The following MYO9A variants were observed in gnomAD, a reference collection of about 807,000 sequenced individuals.
MYO9A encodes unconventional myosin-IXa.
A neutral mutation model predicts 293.3 loss-of-function variants in MYO9A; 103 were observed. That is an observed-to-expected ratio of 0.35 (90% CI 0.30 to 0.41). The LOEUF (loss-of-function observed/expected upper bound fraction) is 0.41. Ranked by LOEUF, MYO9A falls within the 10% of genes least tolerant of loss-of-function variation. MYO9A has a pLI of 1.00. For missense variants in MYO9A, 2,685 were observed against 3,033.0 expected (o/e 0.89, Z 2.69); for synonymous variants, 1,001 against 1,035.7 (o/e 0.97, Z 0.64).
chr15:71,830,325 T>G lies in MYO9A; in HGVS notation c.6838-14A>C. On this transcript the variant is annotated splice_polypyrimidine_tract_variant and intron_variant, in intron 39 of 41. Coordinates refer to ENST00000356056, the MANE Select transcript of MYO9A (RefSeq NM_006901.4). Reference sequence around the variant, plus strand: ...ACGCCCCTTTCCCTGCAGAGAAAAATTCATGTTAGAAAGTAAATTGAGTGA... The same window carrying G: ...ACGCCCCTTTCCCTGCAGAGAAAAAGTCATGTTAGAAAGTAAATTGAGTGA... The G allele has an allele frequency of 6.2e-7, 1 of 1,612,184 alleles. No homozygotes were observed. The highest frequency in any genetic ancestry group is 8.5e-7 in the Non-Finnish European group (1 of 1,179,424).
chr15:72,077,339 A>T (rs146673940), intron 1 of MYO9A, among the ~76,000 whole-genome samples: 2 of 152,360 alleles, frequency 1.3e-5, no homozygotes, highest in African/African-American at 4.8e-5. Context: ...AAGACAAGCC[A>T]CAGACTGACA....
At chr15:72,045,695 A>T in intron 2 of MYO9A, 29 bp downstream of exon 2, 2 of 1,537,112 alleles carry the variant, frequency 1.3e-6, no homozygotes, top group Non-Finnish European at 1.7e-6. Flanking sequence ...TCAAAATTAA[A>T]ATCAAAAATA....
chr15:71,945,654 G>A (rs570150598), intron 15 of MYO9A, among the ~76,000 whole-genome samples: 24 of 151,894 alleles, frequency 1.6e-4, no homozygotes, highest in Non-Finnish European at 2.6e-4. Flanking sequence ...CCTTAAATAG[G>A]AAGTGTGATT....
At chr15:71,954,623 A>T (rs2929508) in intron 14 of MYO9A, among the ~76,000 whole-genome samples, 84,250 of 152,124 alleles carry the variant, frequency 0.55, 28,009 homozygotes, top group Non-Finnish European at 0.73. Context: ...ATAAATTCAG[A>T]CCCCATACTC....
At chr15:72,034,153 T>C (rs1212302457) in intron 2 of MYO9A, among the ~76,000 whole-genome samples, 1 of 152,242 alleles carries the variant, frequency 6.6e-6, no homozygotes, top group Non-Finnish European at 1.5e-5. Context: ...CAACTACAAC[T>C]GTATCATGGT....
At chr15:71,928,724 A>C (rs1389160396) in intron 18 of MYO9A, among the ~76,000 whole-genome samples, 5 of 152,074 alleles carry the variant, frequency 3.3e-5, no homozygotes, top group South Asian at 4.1e-4. Flanking sequence ...TGGTTTCCTT[A>C]ATTTCTTTTT....
intron 36 of MYO9A, 122 bp downstream of exon 36, chr15:71,852,010 A>G: frequency 5.9e-6 from 7 of 1,188,748 alleles, no homozygotes; most frequent in Non-Finnish European, 6.8e-6. Context: ...TTCACTGTCA[A>G]AAGCTTACCT....
chr15:72,052,966 A>G (rs1008717303), intron 1 of MYO9A, among the ~76,000 whole-genome samples: 2 of 152,206 alleles, frequency 1.3e-5, no homozygotes, highest in African/African-American at 4.8e-5. Flanking sequence ...TTCCAGCCTG[A>G]AAAGTATCAC....
intron 1 of MYO9A, among the ~76,000 whole-genome samples, chr15:72,092,901 C>G (rs1325177136): frequency 6.7e-6 from 1 of 149,368 alleles, no homozygotes; most frequent in Admixed American, 6.7e-5. Context: ...CTTCAGCCAC[C>G]ACCTTACTTA....
At chr15:72,047,772 TC>T (rs1248861361) in intron 1 of MYO9A, among the ~76,000 whole-genome samples, 6 of 99,300 alleles carry the variant, frequency 6.0e-5, no homozygotes, top group East Asian at 2.7e-4. Flanking sequence ...TTCAGTTACT[TC>T]CTTTTTTTTT....
chr15:71,901,201 A>T lies in MYO9A; in HGVS notation c.3140T>A (p.Val1047Asp), dbSNP rs1280314114. 1.2e-6 allele frequency: 2 copies of T among 1,612,128 alleles called. No homozygotes were observed. The highest frequency in any genetic ancestry group is 1.7e-4 in the Middle Eastern group (1 of 6,052). The part of the protein sequence containing the change: ...QHFLHLRQAS[V>D]IIQRFWRNYL... The stretch of plus-strand genomic sequence containing the variant: ...TCCTTTGCTTCTCACCTGGATAATA[A>T]CAGATGCTTGTCTCAGATGGAGGAA... Residue 1047 changes from valine (V) to aspartate (D), a missense_variant, in exon 23 of 42, where the codon GTT (valine) becomes GAT (aspartate). Around this residue, in one of 10 missense-constraint regions of MYO9A, gnomAD observed 1,434 missense variants for 1,497.7 expected, o/e 0.96. Transcript: ENST00000356056.
intron 17 of MYO9A, 138 bp from the exon 18 acceptor site, chr15:71,933,847 A>G (rs2058552470): frequency 2.8e-6 from 2 of 718,372 alleles, no homozygotes; most frequent in Non-Finnish European, 2.4e-6. Flanking sequence ...GGTTCTTTAT[A>G]TGAAAACACT....
chr15:72,085,391 C>G (rs1250284264), intron 1 of MYO9A, among the ~76,000 whole-genome samples: 1 of 145,796 alleles, frequency 6.9e-6, no homozygotes, highest in Non-Finnish European at 1.5e-5. Flanking sequence ...GAGAGTCTGT[C>G]TCAAAAAAAA....
chr15:71,880,743 C>A (rs1020037532), intron 28 of MYO9A, among the ~76,000 whole-genome samples, 185 bp from the exon 29 acceptor site: 2 of 152,144 alleles, frequency 1.3e-5, no homozygotes, highest in African/African-American at 4.8e-5. Flanking sequence ...CACATTTGTA[C>A]AGAAAGCGTA....
chr15:71,846,216 A>G (rs1474604198), intron 39 of MYO9A, among the ~76,000 whole-genome samples: 2 of 152,208 alleles, frequency 1.3e-5, no homozygotes, highest in African/African-American at 4.8e-5. Context: ...TGGAGCTACT[A>G]CTTATCTTTA....
chr15:71,829,396 A>C (rs2054628665), intron 40 of MYO9A, among the ~76,000 whole-genome samples: 1 of 152,118 alleles, frequency 6.6e-6, no homozygotes, highest in South Asian at 2.1e-4. Flanking sequence ...AAGAGTCATC[A>C]ATGTCGACCA....
At chr15:71,994,186 A>G (rs951499133) in intron 10 of MYO9A, among the ~76,000 whole-genome samples, 3 of 152,164 alleles carry the variant, frequency 2.0e-5, no homozygotes, top group African/African-American at 4.8e-5. Flanking sequence ...TTCTAGGTAA[A>G]AAAAATACAT....
At chr15:72,017,202 T>G (rs1305924596) in intron 6 of MYO9A, among the ~76,000 whole-genome samples, 2 of 151,884 alleles carry the variant, frequency 1.3e-5, no homozygotes, top group African/African-American at 2.4e-5. Context: ...TTTGTAGAGA[T>G]AGGGTATTGC....
intron 11 of MYO9A, among the ~76,000 whole-genome samples, chr15:71,981,799 A>T (rs2076279751): frequency 6.6e-6 from 1 of 151,680 alleles, no homozygotes; most frequent in African/African-American, 2.4e-5. Flanking sequence ...TATCTCTATT[A>T]TTTCATTTTC....
Sources: gnomAD v4.1 joint callset for allele counts (sites outside exome capture counted in the v4.1 genomes callset) on GRCh38, gnomAD v4.1.1 for gene constraint, gnomAD v4.1.1 regional missense constraint, MANE v1.5 for transcripts, NCBI Gene and HGNC (gene_info 2026-07-23, HGNC 2026-07-21) for gene names.